The following GSK3B variants were observed in gnomAD, a reference collection of about 807,000 sequenced individuals.
GSK3B encodes the protein glycogen synthase kinase-3 beta.
In GSK3B, 15 loss-of-function variants were observed where a neutral mutation model predicts 56.4. The observed-to-expected ratio is 0.27, with a 90% CI of 0.18 to 0.41. The LOEUF is 0.41. GSK3B is among the 10% of genes least tolerant of loss of function. The pLI, the probability that GSK3B is intolerant of heterozygous loss-of-function variation, is 1.00. For missense variants in GSK3B, 300 were observed against 513.4 expected, an observed-to-expected ratio of 0.58 and a Z score of 4.02; for synonymous variants, 181 against 188.9, an observed-to-expected ratio of 0.96 and a Z score of 0.34.
intron 9 of GSK3B, among the ~76,000 whole-genome samples, chr3:119,862,349 G>T (rs1443013140): frequency 9.2e-6 from 1 of 109,262 alleles, no homozygotes; most frequent in East Asian, 2.7e-4. Context: ...ACAGGAAGGG[G>T]AATATCACAC....
chr3:119,959,506 C>CT (rs34702117), intron 2 of GSK3B, among the ~76,000 whole-genome samples: 86 of 89,166 alleles, frequency 9.6e-4, no homozygotes, highest in Admixed American at 1.5e-3. Flanking sequence ...TTCTCTCTGA[C>CT]TTTTTTTTTT....
Position 119,848,118 on chromosome 3 carries a change from G to A in GSK3B, c.1097-4765C>T, listed in dbSNP as rs1414401974. ...ATGGGGGAAGCTGTCTCTGTCAACT[G>A]TACTTACTTCTTTGAAGAATCAAGT... On this transcript the variant is annotated intron_variant, in intron 9 of 10. Transcript: ENST00000264235. Among the ~76,000 whole-genome samples, 5 of 152,322 alleles carry A rather than the reference G, an allele frequency of 3.3e-5. No homozygotes were observed. In the East Asian group the frequency reaches 7.7e-4, roughly 23 times the overall value.
At chr3:119,866,556 C>A in intron 8 of GSK3B, 1 of 1,468,004 alleles carries the variant, frequency 6.8e-7, no homozygotes, top group Non-Finnish European at 9.5e-7. Flanking sequence ...TAGACCTGCC[C>A]TGAAATTTTG....
rs571776852 is a variant in GSK3B, at chr3:119,981,648, T to C, written c.282+20398A>G. ...GCGGCAGCCTGGCTGGGGAAGGGTGTCTGCCATTGCTGAGGCTTGAGTAGG... is the reference window on the plus strand; with the variant it reads ...GCGGCAGCCTGGCTGGGGAAGGGTGCCTGCCATTGCTGAGGCTTGAGTAGG... On this transcript the variant is annotated intron_variant, in intron 2 of 10. Coordinates refer to ENST00000264235, the MANE Select transcript of GSK3B (RefSeq NM_001146156.2). Among the ~76,000 whole-genome samples, 4 of 152,352 alleles carry C rather than the reference T, an allele frequency of 2.6e-5. No individual in the cohort carries two copies. In the East Asian group the frequency reaches 7.7e-4, roughly 29 times the overall value.
intron 1 of GSK3B, chr3:120,041,358 G>A: frequency 3.1e-6 from 1 of 318,952 alleles, no homozygotes; most frequent in Middle Eastern, 4.2e-4. Context: ...TGGAAGTAGA[G>A]ATGTCCATAA....
intron 1 of GSK3B, among the ~76,000 whole-genome samples, chr3:120,055,636 A>G (rs2058185986): frequency 6.6e-6 from 1 of 152,200 alleles, no homozygotes; most frequent in South Asian, 2.1e-4. Flanking sequence ...ATACCAAAAT[A>G]GAGATACAAC....
chr3:120,004,854 A>AT (rs2057711735), intron 1 of GSK3B, among the ~76,000 whole-genome samples: 1 of 152,172 alleles, frequency 6.6e-6, no homozygotes, highest in Admixed American at 6.5e-5. Flanking sequence ...TCCAAAAACC[A>AT]TAACGCCTCT....
At chr3:119,996,786 G>A (rs1000063761) in intron 2 of GSK3B, among the ~76,000 whole-genome samples, 5 of 151,912 alleles carry the variant, frequency 3.3e-5, no homozygotes, top group African/African-American at 1.2e-4. Flanking sequence ...ATGATTAGAA[G>A]AAAGGTAGAA....
intron 5 of GSK3B, among the ~76,000 whole-genome samples, chr3:119,914,387 T>C (rs2056762550): frequency 6.6e-6 from 1 of 152,062 alleles, no homozygotes; most frequent in South Asian, 2.1e-4. Flanking sequence ...TTTATCAGAA[T>C]AAAGCTATTT....
intron 3 of GSK3B, among the ~76,000 whole-genome samples, chr3:119,942,661 A>T (rs2057061394): frequency 6.6e-6 from 1 of 152,188 alleles, no homozygotes; most frequent in South Asian, 2.1e-4. Flanking sequence ...AGGCAAAATC[A>T]TCTGATCCCA....
intron 3 of GSK3B, among the ~76,000 whole-genome samples, chr3:119,933,740 G>T (rs1347578876): frequency 6.6e-6 from 1 of 152,174 alleles, no homozygotes; most frequent in Admixed American, 6.5e-5. Context: ...AGCCAGGCAT[G>T]GTGGCAGACG....
chr3:120,070,697 A>G (rs1015742652), intron 1 of GSK3B, among the ~76,000 whole-genome samples: 1 of 152,226 alleles, frequency 6.6e-6, no homozygotes, highest in Non-Finnish European at 1.5e-5. Context: ...CCTGTGTTGA[A>G]TAGTCAACTT....
At chr3:119,842,087 GA>G (rs1200730943) in intron 10 of GSK3B, among the ~76,000 whole-genome samples, 1 of 151,576 alleles carries the variant, frequency 6.6e-6, no homozygotes, top group Non-Finnish European at 1.5e-5. Flanking sequence ...GAGAGAGAGA[GA>G]AAAAAAAGGT....
At chr3:119,918,096 G>C (rs757352912) in intron 4 of GSK3B, among the ~76,000 whole-genome samples, 22 of 152,098 alleles carry the variant, frequency 1.4e-4, no homozygotes, top group Non-Finnish European at 2.6e-4. Flanking sequence ...GTAGTGGTTT[G>C]AGTAAGTGCT....
At chr3:119,891,674 T>C (rs954720849) in intron 7 of GSK3B, among the ~76,000 whole-genome samples, 14 of 152,266 alleles carry the variant, frequency 9.2e-5, no homozygotes, top group Middle Eastern at 3.4e-3. Context: ...TATTCCTGGA[T>C]TTCCTGAAAA....
chr3:119,942,423 C>T (rs530475702), intron 3 of GSK3B, among the ~76,000 whole-genome samples: 9 of 152,132 alleles, frequency 5.9e-5, no homozygotes, highest in Non-Finnish European at 1.2e-4. Flanking sequence ...CTCAGCCTCT[C>T]GAGTAGCTGG....
intron 3 of GSK3B, among the ~76,000 whole-genome samples, chr3:119,927,377 GAGTCCA>G (rs2056898447): frequency 1.3e-5 from 2 of 152,274 alleles, no homozygotes; most frequent in South Asian, 4.1e-4. Context: ...CCTTCTACAA[GAGTCCA>G]AAGGCTGAAT....
chr3:119,856,620 T>C (rs2056026665), intron 9 of GSK3B, among the ~76,000 whole-genome samples: 1 of 152,188 alleles, frequency 6.6e-6, no homozygotes, highest in African/African-American at 2.4e-5. Flanking sequence ...CACTCATAAA[T>C]TTTCTCAAGT....
At chr3:119,965,389 A>C (rs2057310287) in intron 2 of GSK3B, among the ~76,000 whole-genome samples, 1 of 149,298 alleles carries the variant, frequency 6.7e-6, no homozygotes, top group South Asian at 2.1e-4. Context: ...TTTTATAGAG[A>C]CAAGGTCTCT....
Sources: allele counts gnomAD v4.1 joint callset (sites outside exome capture counted in the v4.1 genomes callset), GRCh38; gene constraint gnomAD v4.1.1; transcripts MANE v1.5; gene names NCBI Gene and HGNC (gene_info 2026-07-23, HGNC 2026-07-21).